Variants in IGF2R observed in about 807,000 individuals in gnomAD.
IGF2R encodes cation-independent mannose-6-phosphate receptor.
Under a neutral mutation model 270.6 loss-of-function variants are expected in IGF2R, and 91 were observed. The observed-to-expected ratio is 0.34, with a 90% confidence interval of 0.28 to 0.40. The LOEUF is 0.40. IGF2R is among the 10% of genes least tolerant of loss of function. The pLI, the probability that IGF2R is intolerant of heterozygous loss-of-function variation, is 1.00. For missense variants in IGF2R, 2,805 were observed against 3,188.3 expected (o/e 0.88, Z 2.90); for synonymous variants, 1,316 against 1,258.9 (o/e 1.05, Z -0.96).
chr6:159,986,100 C>G (rs543173910), intron 1 of IGF2R, among the ~76,000 whole-genome samples: 1 of 152,088 alleles, frequency 6.6e-6, no homozygotes, highest in African/African-American at 2.4e-5. Flanking sequence ...CAGTTCTCCC[C>G]GCTCCTCTCC....
At chr6:160,078,754 A>G (rs1485074893) in intron 37 of IGF2R, among the ~76,000 whole-genome samples, 1 of 152,162 alleles carries the variant, frequency 6.6e-6, no homozygotes, top group Non-Finnish European at 1.5e-5. Context: ...AATTCCTCCA[A>G]CCTGGTTGAA....
chr6:159,978,314 CCAAA>C (rs1460520399), intron 1 of IGF2R, among the ~76,000 whole-genome samples: 6 of 151,726 alleles, frequency 4.0e-5, no homozygotes, highest in African/African-American at 9.7e-5. Context: ...TCAGATTCCC[CCAAA>C]CAATGAGGAG....
At position 160,084,276 on chromosome 6, in the gene IGF2R, G is replaced by T. The variant is rs1420307861; in HGVS notation, c.6068+92G>T. On this transcript the variant is annotated intron_variant, in intron 40 of 47. Transcript: ENST00000356956. This position sits in a 1 kb window ranked among gnomAD's most constrained non-coding sequence, Gnocchi z 4.6. ...ATGGTTGGCTCTTTTGGGTTCTCAA[G>T]ATGGGAATACTATGCCCATGTGAGG... 6 of 755,370 alleles carry T rather than the reference G, an allele frequency of 7.9e-6. No individual in the cohort carries two copies. The African/African-American group carries it at 1.0e-4, about 13-fold the overall frequency. 46.8% of individuals were successfully genotyped at this position (755,370 alleles called of 1,614,324 possible).
chr6:160,086,765 C>T (rs1432851866), intron 41 of IGF2R, among the ~76,000 whole-genome samples: 4 of 152,238 alleles, frequency 2.6e-5, no homozygotes, highest in African/African-American at 9.6e-5. Flanking sequence ...CCACCTCCCA[C>T]CTCACCATCC....
Position 160,085,077 on chromosome 6 carries a change from A to G in IGF2R, c.6151A>G (p.Thr2051Ala), listed in dbSNP as rs535817203. 12 of 1,614,052 alleles carry G rather than the reference A, an allele frequency of 7.4e-6. No individual in the cohort carries two copies. In the Admixed American group the frequency reaches 8.3e-5, roughly 11 times the overall value. Residue 2051 changes from threonine to alanine, a missense_variant, in exon 41 of 48, where the codon ACT (threonine) becomes GCT (alanine). Physicochemically the swap from Thr to Ala is moderately conservative, Grantham distance 58. This residue lies in a region of IGF2R where 1,851 missense variants were observed against 2,207.2 expected (regional missense o/e 0.84). Transcript: ENST00000356956. ...ERASICRRTTTGDVQVLGLVH... is the reference protein window; with the variant it reads ...ERASICRRTTAGDVQVLGLVH... ...GGCCAGCATTTGCAGAAGGACCACA[A>G]CTGGTGACGTCCAGGTCCTGGGACT...
rs1646109230 is a variant in IGF2R at position 160,009,101 on chromosome 6, G to C, written c.381G>C (p.Gln127His). 1.2e-6 allele frequency: 2 copies of C among 1,613,870 alleles called. No individual in the cohort carries two copies. Among genetic ancestry groups the C allele is most frequent in the Middle Eastern group, 3.3e-4 (2 of 6,058 alleles). Residue 127 changes from glutamine to histidine, a missense_variant, in exon 3 of 48, where the codon CAG (glutamine) becomes CAC (histidine). Gln to His is a conservative substitution (Grantham distance 24). This residue lies in a region of IGF2R where 954 missense variants were observed against 981.1 expected (regional missense o/e 0.97). Transcript: ENST00000356956. ...CDQQGTNHRV[Q>H]SSIAFLCGKT... ...AGCAAGGCACAAATCACAGAGTCCA[G>C]AGCAGCATTGCCTTCCTGTGTGGGA...
chr6:160,093,515 C>T, intron 44 of IGF2R: 1 of 587,676 alleles, frequency 1.7e-6, no homozygotes, highest in Non-Finnish European at 3.2e-6. Context: ...CACGTCTGTA[C>T]AGCCGGTTCA....
chr6:159,995,195 T>G (rs1784033990), intron 2 of IGF2R, among the ~76,000 whole-genome samples: 4 of 152,218 alleles, frequency 2.6e-5, no homozygotes, highest in Admixed American at 2.6e-4. Flanking sequence ...AATGGTCTTT[T>G]TTTTTTCTTT....
chr6:159,991,804 C>T (rs893705528), intron 2 of IGF2R, among the ~76,000 whole-genome samples: 1 of 152,202 alleles, frequency 6.6e-6, no homozygotes, highest in African/African-American at 2.4e-5. Context: ...ATAAATAGTC[C>T]TGAGGATTGG....
intron 2 of IGF2R, chr6:160,005,754 C>G: frequency 6.8e-6 from 1 of 146,826 alleles, no homozygotes; most frequent in South Asian, 2.2e-4. Flanking sequence ...CATTCTCTCC[C>G]CTCCCCAACT....
chr6:160,081,647 A>G (rs1334663343), intron 39 of IGF2R, among the ~76,000 whole-genome samples: 1 of 152,176 alleles, frequency 6.6e-6, no homozygotes, highest in Non-Finnish European at 1.5e-5. Flanking sequence ...GCAACTGCAT[A>G]AGGCAGACAC....
chr6:160,034,551 CTCT>C (rs753969389), intron 10 of IGF2R, 29 bp downstream of exon 10: 2 of 1,393,538 alleles, frequency 1.4e-6, no homozygotes, highest in Non-Finnish European at 2.0e-6. Context: ...TCAGCCCCTC[CTCT>C]TTGCATTCAT....
chr6:159,978,137 T>A (rs113032269), intron 1 of IGF2R, among the ~76,000 whole-genome samples: 2 of 152,154 alleles, frequency 1.3e-5, no homozygotes, highest in African/African-American at 4.8e-5. Flanking sequence ...GCATTTCTTC[T>A]TCATCTGTTT....
rs184900975 is a variant in IGF2R, at chr6:160,096,430, G to A, written c.6656-9G>A. The A allele has an allele frequency of 5.6e-4, 899 of 1,607,124 alleles. 1 individual carries two copies. The highest frequency in any genetic ancestry group is 5.0e-4 in the Middle Eastern group (3 of 6,030). ...GTGACATGCCATGTGTGCCCTTCCCGTTTGACAGACGGCGATCTCGATGTC... is the reference window on the plus strand; with the variant it reads ...GTGACATGCCATGTGTGCCCTTCCCATTTGACAGACGGCGATCTCGATGTC... On this transcript the variant is annotated splice_polypyrimidine_tract_variant and intron_variant, in intron 44 of 47. Coordinates refer to ENST00000356956, the MANE Select transcript of IGF2R (RefSeq NM_000876.4).
Position 160,050,144 on chromosome 6 carries a change from C to A in IGF2R, c.2515-329C>A, listed in dbSNP as rs146721704. The stretch of plus-strand genomic sequence containing the variant: ...AAGAACATCTTACACGATTATTGAA[C>A]GAAAGCCTTATGATTCCAATGCCAG... On this transcript the variant is annotated intron_variant, in intron 18 of 47. Coordinates refer to ENST00000356956, the MANE Select transcript of IGF2R (RefSeq NM_000876.4). The surrounding 1 kb of genome is among the most constrained non-coding windows in gnomAD (Gnocchi z 4.0). 6.6e-6 allele frequency among the ~76,000 whole-genome samples: 1 copy of A among 152,176 alleles called. No individual in the cohort carries two copies. Among genetic ancestry groups the A allele is most frequent in the African/African-American group, 2.4e-5 (1 of 41,424 alleles).
At chr6:159,976,469 CT>C (rs2115168162) in intron 1 of IGF2R, among the ~76,000 whole-genome samples, 1 of 151,984 alleles carries the variant, frequency 6.6e-6, no homozygotes, top group South Asian at 2.1e-4. Flanking sequence ...ATCTTTTCAC[CT>C]TTTATTTGCA....
chr6:159,977,314 G>T (rs1783710102), intron 1 of IGF2R, among the ~76,000 whole-genome samples: 1 of 152,198 alleles, frequency 6.6e-6, no homozygotes. Flanking sequence ...CTCTGCAGTG[G>T]GTCTCCACCC....
At chr6:159,983,027 A>C (rs1356265341) in intron 1 of IGF2R, among the ~76,000 whole-genome samples, 1 of 152,228 alleles carries the variant, frequency 6.6e-6, no homozygotes, top group Admixed American at 6.5e-5. Flanking sequence ...GTCAGTTTAA[A>C]GATATTCTAT....
chr6:160,061,071 C>T (rs1242868726), intron 23 of IGF2R, among the ~76,000 whole-genome samples: 1 of 152,208 alleles, frequency 6.6e-6, no homozygotes. Flanking sequence ...ACTCCCTAAG[C>T]TGTGCCCTGG....
Sources: allele counts gnomAD v4.1 joint callset (sites outside exome capture counted in the v4.1 genomes callset), GRCh38; gene constraint gnomAD v4.1.1; regional missense constraint gnomAD v4.1.1; non-coding constraint Gnocchi (gnomAD v3.1); transcripts MANE v1.5; gene names NCBI Gene and HGNC (gene_info 2026-07-23, HGNC 2026-07-21).